Variants in ADRA1D observed in about 807,000 individuals in gnomAD.
ADRA1D encodes adrenoceptor alpha 1D, also known as alpha-1D adrenergic receptor.
In ADRA1D, 22 loss-of-function variants were observed where a neutral mutation model predicts 18.6. The observed-to-expected ratio is 1.19, with a 90% CI of 0.85 to 1.69. ADRA1D has a LOEUF of 1.69. Among genes scored for constraint, ADRA1D ranks in the 40% most tolerant of loss-of-function variants. The pLI is 0.00. For missense variants in ADRA1D, 840 were observed against 840.7 expected (o/e 1.00, Z 0.01); for synonymous variants, 376 against 388.2 (o/e 0.97, Z 0.37).
At chr20:4,247,482 C>T (rs191075436) in intron 1 of ADRA1D, among the ~76,000 whole-genome samples, 1 of 152,166 alleles carries the variant, frequency 6.6e-6, no homozygotes, top group Non-Finnish European at 1.5e-5. Flanking sequence ...CTCTGTGCAC[C>T]CACCTCCCGG....
At position 4,222,148 on chromosome 20, in the gene ADRA1D, C is replaced by G. The variant is rs745639541; in HGVS notation, c.1112-18G>C. The G allele has an allele frequency of 1.4e-5, 22 of 1,609,374 alleles. No individual in the cohort carries two copies. The highest frequency in any genetic ancestry group is 4.0e-5 in the African/African-American group (3 of 74,188). On this transcript the variant is annotated intron_variant, in intron 1 of 1. Coordinates refer to ENST00000379453, the MANE Select transcript of ADRA1D (RefSeq NM_000678.4). This position sits in a 1 kb window ranked among gnomAD's most constrained non-coding sequence, Gnocchi z 4.3. ...CAAGGAGCCTGTAGGGAGCAGAGAC[C>G]GATACTATTTAGCTGCTTGGGGAGG...
chr20:4,225,831 T>C (rs1371009842), intron 1 of ADRA1D, among the ~76,000 whole-genome samples: 3 of 149,356 alleles, frequency 2.0e-5, no homozygotes, highest in African/African-American at 5.2e-5. Flanking sequence ...AGCTGAGACC[T>C]AGTGGGTTTT....
Position 4,221,425 on chromosome 20 carries a change from G to T in ADRA1D, c.*98C>A. The stretch of plus-strand genomic sequence containing the variant: ...AGCAGCTGCCCTGATCAGTTTCCGG[G>T]TCTCCGATTTGCACGGGGGCTCTTA... On this transcript the variant is annotated 3_prime_UTR_variant, in exon 2 of 2. Coordinates refer to ENST00000379453, the MANE Select transcript of ADRA1D (RefSeq NM_000678.4). The T allele has an allele frequency of 7.5e-7, 1 of 1,336,810 alleles. No homozygotes were observed. The allele number at this position is 1,336,810 out of a possible 1,614,324, so 82.8% of individuals were successfully genotyped here. A position where few individuals can be genotyped will look rare whatever the true frequency, so the allele number is the denominator to read the frequency against.
chr20:4,239,473 AC>A lies in ADRA1D; in HGVS notation c.1111+8373del, dbSNP rs1981165804. Among the ~76,000 whole-genome samples, 1 of 152,236 alleles carries A rather than the reference AC, an allele frequency of 6.6e-6. No individual in the cohort carries two copies. The highest frequency in any genetic ancestry group is 1.5e-5 in the Non-Finnish European group (1 of 68,040). On this transcript the variant is annotated intron_variant, in intron 1 of 1. Coordinates refer to ENST00000379453, the MANE Select transcript of ADRA1D (RefSeq NM_000678.4). This position sits in a 1 kb window ranked among gnomAD's most constrained non-coding sequence, Gnocchi z 4.9. ...TCAGTGACCAACTCAGTATCAATGAACAGCTCAGTCATCTTCCATTGAAACA... is the reference window on the plus strand; with the variant it reads ...TCAGTGACCAACTCAGTATCAATGAAAGCTCAGTCATCTTCCATTGAAACA...
chr20:4,231,935 C>T (rs568016133), intron 1 of ADRA1D, among the ~76,000 whole-genome samples: 112 of 152,100 alleles, frequency 7.4e-4, no homozygotes, highest in Admixed American at 2.0e-3. Flanking sequence ...TTTTTTGAGA[C>T]AGAGTATCGC....
chr20:4,234,667 G>C (rs1981047634), intron 1 of ADRA1D, among the ~76,000 whole-genome samples: 1 of 152,190 alleles, frequency 6.6e-6, no homozygotes, highest in Admixed American at 6.5e-5. Flanking sequence ...TTGGAGCTCA[G>C]TAGCAGCCTT....
Position 4,222,143 on chromosome 20 carries a change from GAGACCGATACTATTT to G in ADRA1D, c.1112-28_1112-14del. 1 of 1,611,456 alleles carries G rather than the reference GAGACCGATACTATTT, an allele frequency of 6.2e-7. No individual in the cohort carries two copies. Among genetic ancestry groups the G allele is most frequent in the Non-Finnish European group, 8.5e-7 (1 of 1,178,950 alleles). Reference sequence around the variant, plus strand: ...GGGAACAAGGAGCCTGTAGGGAGCAGAGACCGATACTATTTAGCTGCTTGGGGAGGGGGAGGCCAG... The same window carrying G: ...GGGAACAAGGAGCCTGTAGGGAGCAGAGCTGCTTGGGGAGGGGGAGGCCAG... On this transcript the variant is annotated splice_polypyrimidine_tract_variant and intron_variant, in intron 1 of 1. Coordinates refer to ENST00000379453, the MANE Select transcript of ADRA1D (RefSeq NM_000678.4). The surrounding 1 kb of genome is among the most constrained non-coding windows in gnomAD (Gnocchi z 4.3).
At chr20:4,229,500 G>C (rs1323537554) in intron 1 of ADRA1D, among the ~76,000 whole-genome samples, 1 of 152,228 alleles carries the variant, frequency 6.6e-6, no homozygotes, top group African/African-American at 2.4e-5. Context: ...GGAAAGTCCT[G>C]ATGAGAATGT....
intron 1 of ADRA1D, among the ~76,000 whole-genome samples, chr20:4,233,386 GGGA>G (rs754766678): frequency 7.9e-5 from 12 of 151,956 alleles, no homozygotes; most frequent in Non-Finnish European, 1.8e-4. Context: ...ACTTGAACGT[GGGA>G]GGTTGAGGCT....
At chr20:4,237,557 T>C (rs1431882083) in intron 1 of ADRA1D, among the ~76,000 whole-genome samples, 1 of 151,702 alleles carries the variant, frequency 6.6e-6, no homozygotes, top group Non-Finnish European at 1.5e-5. Context: ...GTGTGTGCCC[T>C]TAGCCCTGGG....
At chr20:4,238,322 A>G (rs1444770858) in intron 1 of ADRA1D, among the ~76,000 whole-genome samples, 3 of 152,330 alleles carry the variant, frequency 2.0e-5, no homozygotes, top group Non-Finnish European at 4.4e-5. Context: ...TAAGAGGGTA[A>G]GTAGCAAAGA....
chr20:4,237,111 G>T (rs1981110472), intron 1 of ADRA1D, among the ~76,000 whole-genome samples: 5 of 152,170 alleles, frequency 3.3e-5, no homozygotes, highest in Admixed American at 2.6e-4. Flanking sequence ...GATCTGAAGG[G>T]GAGAGGGGTC....
chr20:4,242,743 A>G (rs1484248597), intron 1 of ADRA1D, among the ~76,000 whole-genome samples: 1 of 152,002 alleles, frequency 6.6e-6, no homozygotes, highest in Non-Finnish European at 1.5e-5. Flanking sequence ...CTTTGAGTGG[A>G]TGGCATTTGG....
At chr20:4,245,198 C>T (rs931087889) in intron 1 of ADRA1D, among the ~76,000 whole-genome samples, 5 of 152,166 alleles carry the variant, frequency 3.3e-5, no homozygotes, top group Admixed American at 1.3e-4. Flanking sequence ...GCAGGATCAA[C>T]GCACTGTGGA....
At chr20:4,243,946 T>A (rs1981276473) in intron 1 of ADRA1D, among the ~76,000 whole-genome samples, 2 of 152,172 alleles carry the variant, frequency 1.3e-5, no homozygotes, top group African/African-American at 4.8e-5. Flanking sequence ...GGATTTTAGG[T>A]GCCCACATCT....
intron 1 of ADRA1D, among the ~76,000 whole-genome samples, chr20:4,241,097 A>G (rs1182603952): frequency 6.6e-6 from 1 of 152,198 alleles, no homozygotes; most frequent in Non-Finnish European, 1.5e-5. Flanking sequence ...ACAAGTAAAG[A>G]GAGTTGACTT....
chr20:4,231,810 G>A (rs1217713601), intron 1 of ADRA1D, among the ~76,000 whole-genome samples: 2 of 152,110 alleles, frequency 1.3e-5, no homozygotes, highest in Admixed American at 1.3e-4. Flanking sequence ...AACTCCCCTT[G>A]GGCTTCTAGG....
intron 1 of ADRA1D, among the ~76,000 whole-genome samples, chr20:4,241,798 G>A (rs1484331678): frequency 1.3e-5 from 2 of 152,146 alleles, no homozygotes; most frequent in Non-Finnish European, 2.9e-5. Flanking sequence ...CTCTCCGCAC[G>A]GGGCCACCAA....
At chr20:4,243,865 T>C (rs1981274815) in intron 1 of ADRA1D, among the ~76,000 whole-genome samples, 1 of 152,180 alleles carries the variant, frequency 6.6e-6, no homozygotes, top group East Asian at 1.9e-4. Flanking sequence ...GCTCTGCAGT[T>C]GTTCCTCACA....
Sources: gnomAD v4.1 joint callset for allele counts (sites outside exome capture counted in the v4.1 genomes callset) on GRCh38, gnomAD v4.1.1 for gene constraint, Gnocchi (gnomAD v3.1) non-coding constraint, MANE v1.5 for transcripts, NCBI Gene and HGNC (gene_info 2026-07-23, HGNC 2026-07-21) for gene names.